SPAG16: variants seen among roughly 807,000 people sequenced by gnomAD.
The protein encoded by SPAG16 is sperm associated antigen 16.
A neutral mutation model predicts 80.4 loss-of-function variants in SPAG16; 86 were observed. The ratio of observed to expected loss-of-function variants is 1.07; its 90% confidence interval spans 0.90 to 1.28. The LOEUF is 1.28. Among genes scored for constraint, SPAG16 ranks in the 50% most tolerant of loss-of-function variants. SPAG16 has a pLI of 0.00. For missense variants in SPAG16, 870 were observed against 765.3 expected (o/e 1.14, Z -1.61); for synonymous variants, 294 against 265.9 (o/e 1.11, Z -1.03).
chr2:213,360,318 C>T (rs981122921), intron 7 of SPAG16, among the ~76,000 whole-genome samples: 3 of 152,200 alleles, frequency 2.0e-5, no homozygotes, highest in African/African-American at 7.2e-5. Flanking sequence ...ATTGATGGAG[C>T]CAATGCAAGT....
At chr2:213,869,253 CA>C (rs1329869756) in intron 11 of SPAG16, among the ~76,000 whole-genome samples, 1,385 of 82,806 alleles carry the variant, frequency 0.017, 45 homozygotes, top group African/African-American at 0.052. Flanking sequence ...AAGTCCATGT[CA>C]AAAAAAAAAA....
At chr2:213,813,574 G>A (rs573884118) in intron 10 of SPAG16, among the ~76,000 whole-genome samples, 14 of 152,286 alleles carry the variant, frequency 9.2e-5, no homozygotes, top group African/African-American at 3.1e-4. Flanking sequence ...TGGTCCAGGG[G>A]AAAGGTCTGC....
chr2:214,178,846 A>G (rs1281396146), intron 15 of SPAG16, among the ~76,000 whole-genome samples: 1 of 151,354 alleles, frequency 6.6e-6, no homozygotes, highest in Non-Finnish European at 1.5e-5. Context: ...ATCTTCCTAG[A>G]AGTGTTTATT....
intron 15 of SPAG16, among the ~76,000 whole-genome samples, chr2:214,187,074 T>C (rs1367463868): frequency 6.6e-6 from 1 of 152,102 alleles, no homozygotes; most frequent in Non-Finnish European, 1.5e-5. Flanking sequence ...GCAAGTAGTT[T>C]CAACAGGAGG....
chr2:214,004,909 G>T (rs2046960772), intron 12 of SPAG16, among the ~76,000 whole-genome samples: 1 of 152,088 alleles, frequency 6.6e-6, no homozygotes, highest in Non-Finnish European at 1.5e-5. Flanking sequence ...TATTAAATAG[G>T]CAAATTCGCA....
At chr2:213,407,621 GA>G (rs1559100818) in intron 9 of SPAG16, among the ~76,000 whole-genome samples, 228 of 132,308 alleles carry the variant, frequency 1.7e-3, no homozygotes, top group Non-Finnish European at 2.3e-3. Flanking sequence ...GAGAGAGAGA[GA>G]GAGAGAGAGA....
intron 12 of SPAG16, among the ~76,000 whole-genome samples, chr2:213,966,502 A>C (rs1029379911): frequency 2.6e-5 from 4 of 152,178 alleles, no homozygotes; most frequent in African/African-American, 9.7e-5. Context: ...AAAAATATTA[A>C]TACAAACATT....
At chr2:214,195,200 G>A (rs550722436) in intron 15 of SPAG16, among the ~76,000 whole-genome samples, 1 of 151,592 alleles carries the variant, frequency 6.6e-6, no homozygotes, top group African/African-American at 2.4e-5. Flanking sequence ...AGCCCTAAGG[G>A]TGGAAAATTC....
intron 10 of SPAG16, among the ~76,000 whole-genome samples, chr2:213,556,029 ACTGT>A (rs2059413133): frequency 6.6e-6 from 1 of 152,128 alleles, no homozygotes; most frequent in Non-Finnish European, 1.5e-5. Context: ...ATAACTGTAA[ACTGT>A]TTTATGTAAG....
At chr2:213,296,722 A>G (rs561056931) in intron 2 of SPAG16, among the ~76,000 whole-genome samples, 1 of 152,214 alleles carries the variant, frequency 6.6e-6, no homozygotes, top group Non-Finnish European at 1.5e-5. Flanking sequence ...AATGGAGATT[A>G]TGTGTACCAC....
At chr2:213,606,176 T>C (rs2061253570) in intron 10 of SPAG16, among the ~76,000 whole-genome samples, 1 of 152,254 alleles carries the variant, frequency 6.6e-6, no homozygotes, top group African/African-American at 2.4e-5. Flanking sequence ...TAGCATTCCA[T>C]TATATACATA....
intron 3 of SPAG16, among the ~76,000 whole-genome samples, chr2:213,297,803 G>C (rs1036080301): frequency 2.0e-5 from 3 of 151,958 alleles, no homozygotes; most frequent in Admixed American, 1.3e-4. Context: ...ATGTGGTGGG[G>C]GATGTTTTTT....
At chr2:214,040,929 C>A (rs1174058976) in intron 13 of SPAG16, among the ~76,000 whole-genome samples, 1 of 151,980 alleles carries the variant, frequency 6.6e-6, no homozygotes, top group Non-Finnish European at 1.5e-5. Flanking sequence ...AAAATTAATT[C>A]TTTTCCATTA....
chr2:214,042,007 T>TATATACACAC (rs1371293247), intron 13 of SPAG16, among the ~76,000 whole-genome samples: 5 of 101,252 alleles, frequency 4.9e-5, no homozygotes, highest in Admixed American at 9.4e-5. Context: ...TATATATATA[T>TATATACACAC]ACACACACAC....
intron 15 of SPAG16, among the ~76,000 whole-genome samples, chr2:214,302,667 GA>G (rs1352875300): frequency 2.0e-5 from 3 of 152,054 alleles, no homozygotes; most frequent in African/African-American, 4.8e-5. Context: ...ATTTTTATTA[GA>G]GATGGGGTTT....
intron 15 of SPAG16, among the ~76,000 whole-genome samples, chr2:214,293,906 G>T (rs1453012316): frequency 6.6e-6 from 1 of 152,196 alleles, no homozygotes; most frequent in Non-Finnish European, 1.5e-5. Flanking sequence ...AACATAGACA[G>T]GCAGCTATGG....
intron 3 of SPAG16, among the ~76,000 whole-genome samples, chr2:213,302,868 C>G (rs1287731594): frequency 6.6e-6 from 1 of 152,044 alleles, no homozygotes; most frequent in East Asian, 1.9e-4. Context: ...AGGTGTGTTG[C>G]AACCGTACAT....
At chr2:214,317,994 T>A (rs1695810520) in intron 15 of SPAG16, among the ~76,000 whole-genome samples, 1 of 152,214 alleles carries the variant, frequency 6.6e-6, no homozygotes, top group African/African-American at 2.4e-5. Context: ...AATTAGGATG[T>A]ATGTAAGGGA....
At chr2:213,979,976 TC>T (rs2045611175) in intron 12 of SPAG16, among the ~76,000 whole-genome samples, 1 of 151,836 alleles carries the variant, frequency 6.6e-6, no homozygotes. Context: ...TCTCCACCCT[TC>T]CAGATTACTA....
Sources: allele counts gnomAD v4.1 joint callset (sites outside exome capture counted in the v4.1 genomes callset), GRCh38; gene constraint gnomAD v4.1.1; transcripts MANE v1.5; gene names NCBI Gene and HGNC (gene_info 2026-07-23, HGNC 2026-07-21).